METTL15: variants seen among roughly 807,000 people sequenced by gnomAD.
The protein encoded by METTL15 is 12S rRNA N(4)-cytidine methyltransferase METTL15.
Under a neutral mutation model 38.3 loss-of-function variants are expected in METTL15, and 34 were observed. The ratio of observed to expected loss-of-function variants is 0.89; its 90% CI spans 0.68 to 1.18. The LOEUF (loss-of-function observed/expected upper bound fraction) is 1.18. Ranked by LOEUF, METTL15 falls within the 50% of genes most tolerant of loss-of-function variation. The pLI is 0.00. For synonymous variants in METTL15, 162 were observed against 170.9 expected (o/e 0.95, Z 0.41); for missense variants, 438 against 498.4 (o/e 0.88, Z 1.15).
intron 6 of METTL15, among the ~76,000 whole-genome samples, chr11:28,432,893 G>A (rs1347201402): frequency 3.3e-5 from 5 of 150,852 alleles, no homozygotes; most frequent in African/African-American, 9.8e-5. Context: ...AACTCCCAGA[G>A]CACTGGCTCA....
intron 3 of METTL15, among the ~76,000 whole-genome samples, chr11:28,122,445 G>GT (rs1852293034): frequency 6.7e-6 from 1 of 150,312 alleles, no homozygotes; most frequent in African/African-American, 2.4e-5. Context: ...CTCTTTAACA[G>GT]TTTTTTAGAG....
At chr11:28,125,275 T>G (rs1852425550) in intron 3 of METTL15, among the ~76,000 whole-genome samples, 2 of 152,102 alleles carry the variant, frequency 1.3e-5, no homozygotes, top group East Asian at 3.8e-4. Flanking sequence ...GTATTAAAAT[T>G]TCTTTGAGCA....
intron 3 of METTL15, among the ~76,000 whole-genome samples, chr11:28,131,501 A>ATT (rs370387962): frequency 0.031 from 3,699 of 117,464 alleles, 138 homozygotes; most frequent in Non-Finnish European, 0.042. Context: ...ACTTCCAAGC[A>ATT]TTTTTTTTTT....
intron 3 of METTL15, among the ~76,000 whole-genome samples, chr11:28,115,628 A>T (rs1851908554): frequency 6.6e-6 from 1 of 152,174 alleles, no homozygotes. Flanking sequence ...TAGAGCAAAA[A>T]TATTAAGAGA....
intron 6 of METTL15, among the ~76,000 whole-genome samples, chr11:28,431,808 G>A (rs10835334): frequency 0.019 from 1,634 of 86,070 alleles, 9 homozygotes; most frequent in African/African-American, 0.03. Context: ...AAAAAAAAAA[G>A]AAAAAAAAAA....
At chr11:28,228,449 C>G (rs1853566443) in intron 4 of METTL15, among the ~76,000 whole-genome samples, 1 of 151,852 alleles carries the variant, frequency 6.6e-6, no homozygotes, top group African/African-American at 2.4e-5. Flanking sequence ...AGAACACTGT[C>G]TAGCATATCT....
chr11:28,508,219 G>A (rs1186007289), intron 6 of METTL15, among the ~76,000 whole-genome samples: 1 of 151,786 alleles, frequency 6.6e-6, no homozygotes, highest in Admixed American at 6.6e-5. Context: ...CACATGGAAT[G>A]TTTTTTGGTC....
intron 6 of METTL15, among the ~76,000 whole-genome samples, chr11:28,324,806 G>A (rs1007364063): frequency 1.3e-5 from 2 of 152,192 alleles, no homozygotes; most frequent in African/African-American, 4.8e-5. Context: ...CCATGCCGAG[G>A]TCTGAAGGGA....
At chr11:28,495,930 C>A (rs1851532222) in intron 6 of METTL15, among the ~76,000 whole-genome samples, 2 of 152,216 alleles carry the variant, frequency 1.3e-5, no homozygotes, top group African/African-American at 4.8e-5. Flanking sequence ...TTGGACCCTG[C>A]TTGTCTTTCT....
At chr11:28,367,801 AAC>A in intron 5 of METTL15, among the ~76,000 whole-genome samples, 1 of 152,326 alleles carries the variant, frequency 6.6e-6, no homozygotes, top group Middle Eastern at 3.4e-3. Context: ...ATGCATCTAC[AAC>A]TATCTGATCT....
At chr11:28,211,803 A>G (rs1482976514) in intron 4 of METTL15, among the ~76,000 whole-genome samples, 4 of 152,054 alleles carry the variant, frequency 2.6e-5, no homozygotes, top group East Asian at 1.9e-4. Context: ...TAAAGCCATC[A>G]TTTTAAAAGA....
intron 4 of METTL15, among the ~76,000 whole-genome samples, chr11:28,230,190 AT>A (rs1278427895): frequency 6.6e-6 from 1 of 151,896 alleles, no homozygotes; most frequent in Non-Finnish European, 1.5e-5. Flanking sequence ...ATCTGTGTTT[AT>A]TTTAAATAAA....
exon 8 of METTL15, chr11:28,526,840 C>T (rs998222876): frequency 6.6e-6 from 1 of 152,190 alleles, no homozygotes; most frequent in Non-Finnish European, 1.5e-5. Context: ...ATTCTCTTTT[C>T]TCAGTCATGA....
downstream of METTL15, among the ~76,000 whole-genome samples, chr11:28,336,304 A>G (rs1418369973): frequency 6.6e-6 from 1 of 152,186 alleles, no homozygotes; most frequent in Admixed American, 6.6e-5. Flanking sequence ...TTTAGGTAAG[A>G]GAAAGTATTT....
chr11:28,119,189 T>C (rs1852102387), intron 3 of METTL15, among the ~76,000 whole-genome samples: 1 of 152,194 alleles, frequency 6.6e-6, no homozygotes, highest in African/African-American at 2.4e-5. Flanking sequence ...TAAGTCATAA[T>C]TATAATTATG....
At chr11:28,465,559 G>C (rs1851250251) in intron 6 of METTL15, among the ~76,000 whole-genome samples, 1 of 152,102 alleles carries the variant, frequency 6.6e-6, no homozygotes, top group Non-Finnish European at 1.5e-5. Context: ...ACCCAAACCT[G>C]CTCTGCATCC....
intron 6 of METTL15, among the ~76,000 whole-genome samples, chr11:28,444,171 C>T (rs914136973): frequency 6.6e-6 from 1 of 152,052 alleles, no homozygotes; most frequent in African/African-American, 2.4e-5. Flanking sequence ...TCTTGGTTCA[C>T]AAAGTTGCTC....
At chr11:28,191,309 C>G (rs1384373839) in intron 3 of METTL15, among the ~76,000 whole-genome samples, 1 of 150,260 alleles carries the variant, frequency 6.7e-6, no homozygotes, top group Non-Finnish European at 1.5e-5. Flanking sequence ...CTTTCTTTCT[C>G]CTTGTTTTTA....
chr11:28,426,910 G>A (rs1312666077), intron 6 of METTL15, among the ~76,000 whole-genome samples: 3 of 151,792 alleles, frequency 2.0e-5, no homozygotes, highest in Non-Finnish European at 4.4e-5. Context: ...TCTGATGATA[G>A]GTTTTTTTTC....
Sources: allele counts gnomAD v4.1 joint callset (sites outside exome capture counted in the v4.1 genomes callset), GRCh38; gene constraint gnomAD v4.1.1; transcripts MANE v1.5; gene names NCBI Gene and HGNC (gene_info 2026-07-23, HGNC 2026-07-21).